The following GOLGA5 variants were observed in gnomAD, a reference collection of about 807,000 sequenced individuals.
GOLGA5 encodes golgin A5, also known as golgin subfamily A member 5.
Under a neutral mutation model 93.5 loss-of-function variants are expected in GOLGA5, and 50 were observed. That is an observed-to-expected ratio of 0.53 (90% CI 0.43 to 0.68). GOLGA5 has a LOEUF of 0.68. GOLGA5 is among the 30% of genes least tolerant of loss of function. The probability of loss-of-function intolerance (pLI) is 0.00; values close to 1 mark genes in which losing one functional copy is unlikely to be tolerated. For synonymous variants in GOLGA5, 312 were observed against 304.5 expected, an observed-to-expected ratio of 1.02 and a Z score of -0.26; for missense variants, 760 against 856.4, an observed-to-expected ratio of 0.89 and a Z score of 1.40.
At chr14:92,835,442 A>C (rs962929512) in intron 10 of GOLGA5, 117 bp from the exon 11 acceptor site, 1 of 578,630 alleles carries the variant, frequency 1.7e-6, no homozygotes, top group Non-Finnish European at 3.1e-6. Flanking sequence ...CTTTGGGGTG[A>C]TGCTTAGAAA....
At chr14:92,798,439 GAC>G (rs1884787077) in intron 2 of GOLGA5, among the ~76,000 whole-genome samples, 1 of 152,166 alleles carries the variant, frequency 6.6e-6, no homozygotes. Flanking sequence ...AAAGCTGAGA[GAC>G]TGAACTTTGA....
chr14:92,802,574 A>C (rs936383871), intron 2 of GOLGA5, among the ~76,000 whole-genome samples: 2 of 152,076 alleles, frequency 1.3e-5, no homozygotes. Context: ...ATGATTTTAC[A>C]TTAGGTTTTT....
intron 12 of GOLGA5, among the ~76,000 whole-genome samples, chr14:92,837,903 T>A (rs1394996601): frequency 6.6e-6 from 1 of 152,168 alleles, no homozygotes; most frequent in Admixed American, 6.6e-5. Context: ...TTTTAGTAAT[T>A]AAGATTTCTT....
At chr14:92,800,663 G>A (rs1043822453) in intron 2 of GOLGA5, among the ~76,000 whole-genome samples, 4 of 152,258 alleles carry the variant, frequency 2.6e-5, no homozygotes, top group South Asian at 2.1e-4. Context: ...TTCCTGAATC[G>A]TTATTTTCTG....
chr14:92,825,625 CCG>C (rs1885400980), intron 9 of GOLGA5, among the ~76,000 whole-genome samples: 1 of 152,114 alleles, frequency 6.6e-6, no homozygotes, highest in South Asian at 2.1e-4. Flanking sequence ...CTTTGGGAGA[CCG>C]AGGCAGGAGG....
intron 2 of GOLGA5, among the ~76,000 whole-genome samples, chr14:92,798,784 T>C (rs1041528856): frequency 1.3e-5 from 2 of 152,124 alleles, no homozygotes; most frequent in Admixed American, 1.3e-4. Flanking sequence ...GGCACAGTGG[T>C]GCATGCCTGT....
Position 92,835,681 on chromosome 14 carries a change from G to C in GOLGA5, c.2051+17G>C. The C allele has an allele frequency of 1.4e-6, 2 of 1,455,572 alleles. No individual in the cohort carries two copies. Among genetic ancestry groups the C allele is most frequent in the Non-Finnish European group, 1.9e-6 (2 of 1,035,938 alleles). The allele number at this position is 1,455,572 out of a possible 1,614,324, so 90.2% of individuals were successfully genotyped here. A position where few individuals can be genotyped will look rare whatever the true frequency, so the allele number is the denominator to read the frequency against. ...TCAGTTTAGGTAAGCAATGCCAGTA[G>C]GGATGAGTGATGGACCATCAGCTGT... On this transcript the variant is annotated intron_variant, in intron 11 of 12. Transcript: ENST00000163416.
intron 6 of GOLGA5, among the ~76,000 whole-genome samples, chr14:92,814,966 T>C (rs1427565333): frequency 2.0e-5 from 3 of 152,212 alleles, no homozygotes; most frequent in African/African-American, 7.2e-5. Flanking sequence ...AAATTTAGCT[T>C]GCAGGCTGTA....
chr14:92,815,043 A>G (rs1885175255), intron 6 of GOLGA5, among the ~76,000 whole-genome samples: 1 of 152,180 alleles, frequency 6.6e-6, no homozygotes, highest in Non-Finnish European at 1.5e-5. Context: ...TTAGCCTCCT[A>G]AAATGCATCT....
chr14:92,798,550 G>T (rs555647298), intron 2 of GOLGA5, among the ~76,000 whole-genome samples: 1 of 152,218 alleles, frequency 6.6e-6, no homozygotes, highest in East Asian at 1.9e-4. Context: ...ACCTCTACAA[G>T]TACACCTTCT....
At chr14:92,826,681 G>A (rs12433235) in intron 9 of GOLGA5, among the ~76,000 whole-genome samples, 80,553 of 148,448 alleles carry the variant, frequency 0.54, 22,552 homozygotes, top group East Asian at 0.65. Context: ...CTGGGAGACA[G>A]AGCCAGACTC....
intron 7 of GOLGA5, among the ~76,000 whole-genome samples, chr14:92,817,851 G>A (rs1462029518): frequency 6.6e-6 from 1 of 152,172 alleles, no homozygotes; most frequent in Non-Finnish European, 1.5e-5. Flanking sequence ...ATCTTGCGGA[G>A]CTTTAATTTT....
At chr14:92,803,686 G>A (rs1009815313) in intron 2 of GOLGA5, among the ~76,000 whole-genome samples, 14 of 152,204 alleles carry the variant, frequency 9.2e-5, no homozygotes, top group Non-Finnish European at 2.1e-4. Context: ...ATAATGTAGG[G>A]GTCACAGCTG....
chr14:92,838,493 G>A lies in GOLGA5; in HGVS notation c.2116-873G>A, dbSNP rs115258474. On this transcript the variant is annotated intron_variant, in intron 12 of 12. Transcript: ENST00000163416. ...AGCGATTCTCCTGCCTCAGCCTGCC[G>A]AGTACCTGGGGCTACAGGCGCACGC... 9.3e-3 allele frequency among the ~76,000 whole-genome samples: 1,419 copies of A among 152,002 alleles called. 23 individuals carry two copies. The highest frequency in any genetic ancestry group is 0.032 in the African/African-American group (1,317 of 41,428).
intron 9 of GOLGA5, among the ~76,000 whole-genome samples, chr14:92,828,432 G>T (rs1279621297): frequency 6.6e-6 from 1 of 152,182 alleles, no homozygotes; most frequent in Non-Finnish European, 1.5e-5. Context: ...TAAGCTCACT[G>T]TTGAGACCTA....
intron 2 of GOLGA5, among the ~76,000 whole-genome samples, chr14:92,805,095 G>A (rs1214065337): frequency 6.6e-6 from 1 of 152,136 alleles, no homozygotes; most frequent in Admixed American, 6.5e-5. Flanking sequence ...CAATACCTGT[G>A]TAACCCACAC....
chr14:92,813,945 A>G (rs954317875), intron 6 of GOLGA5, among the ~76,000 whole-genome samples: 2 of 152,082 alleles, frequency 1.3e-5, no homozygotes, highest in African/African-American at 4.8e-5. Flanking sequence ...GGATGGGGGA[A>G]AAAGGCAAAT....
At chr14:92,825,990 T>TA (rs796461655) in intron 9 of GOLGA5, among the ~76,000 whole-genome samples, 4 of 151,770 alleles carry the variant, frequency 2.6e-5, no homozygotes, top group Middle Eastern at 3.2e-3. Context: ...CCATCATCTC[T>TA]AAAAAAATAT....
chr14:92,824,196 A>G (rs746163794), intron 8 of GOLGA5, among the ~76,000 whole-genome samples: 54 of 152,002 alleles, frequency 3.6e-4, no homozygotes, highest in Non-Finnish European at 6.3e-4. Flanking sequence ...TATTTTTTCC[A>G]GTTGTCATAT....
Sources: allele counts gnomAD v4.1 joint callset (sites outside exome capture counted in the v4.1 genomes callset), GRCh38; gene constraint gnomAD v4.1.1; transcripts MANE v1.5; gene names NCBI Gene and HGNC (gene_info 2026-07-23, HGNC 2026-07-21).